The following DOCK3 variants were observed in gnomAD, a reference collection of about 807,000 sequenced individuals.
DOCK3 encodes the protein dedicator of cytokinesis 3.
A neutral mutation model predicts 265.6 loss-of-function variants in DOCK3; 60 were observed. The observed-to-expected ratio is 0.23, with a 90% CI of 0.18 to 0.28. The LOEUF is 0.28. Among genes scored for constraint, DOCK3 ranks in the 10% least tolerant of loss-of-function variants. The probability of loss-of-function intolerance (pLI) is 1.00; values close to 1 mark genes in which losing one functional copy is unlikely to be tolerated. For missense variants in DOCK3, 1,981 were observed against 2,594.3 expected (o/e 0.76, Z 5.14); for synonymous variants, 881 against 938.0 (o/e 0.94, Z 1.11).
chr3:51,190,421 A>G lies in DOCK3; in HGVS notation c.1038-18353A>G, dbSNP rs141596303. On this transcript the variant is annotated intron_variant, in intron 12 of 52. Transcript: ENST00000266037. The stretch of plus-strand genomic sequence containing the variant: ...AACTCTGTGAGATTCCTTGGTTATA[A>G]ATAGCCTTAGTGTGTTGACTTTCTC... 9.0e-3 allele frequency among the ~76,000 whole-genome samples: 1,370 copies of G among 152,270 alleles called. 26 individuals are homozygous for G. Among genetic ancestry groups the G allele is most frequent in the African/African-American group, 0.029 (1,222 of 41,554 alleles).
At chr3:51,053,100 T>TATATATATATAC (rs2081063055) in intron 5 of DOCK3, among the ~76,000 whole-genome samples, 1 of 94,732 alleles carries the variant, frequency 1.1e-5, no homozygotes, top group Non-Finnish European at 2.4e-5. Flanking sequence ...TATATATATA[T>TATATATATATAC]ATATATATAT....
intron 32 of DOCK3, among the ~76,000 whole-genome samples, chr3:51,316,885 A>G (rs1325712784): frequency 6.6e-6 from 1 of 152,162 alleles, no homozygotes; most frequent in African/African-American, 2.4e-5. Flanking sequence ...ATTTACAGAT[A>G]TTTTCTGCAA....
chr3:51,045,415 A>T (rs925775288), intron 5 of DOCK3, among the ~76,000 whole-genome samples: 2 of 152,162 alleles, frequency 1.3e-5, no homozygotes, highest in African/African-American at 4.8e-5. Flanking sequence ...GAGATCACTG[A>T]TCACACACAG....
chr3:51,339,078 G>A (rs1253455242), intron 37 of DOCK3, 50 bp downstream of exon 37: 1 of 1,458,502 alleles, frequency 6.9e-7, no homozygotes, highest in South Asian at 1.4e-5. Context: ...ACAAACTGAA[G>A]GGATTTGTAC....
At chr3:51,349,304 A>G (rs2085810186) in intron 39 of DOCK3, among the ~76,000 whole-genome samples, 1 of 152,294 alleles carries the variant, frequency 6.6e-6, no homozygotes, top group South Asian at 2.1e-4. Flanking sequence ...CACTTTGCTT[A>G]TGGTCACTTT....
At chr3:50,918,975 G>A (rs1234464569) in intron 4 of DOCK3, among the ~76,000 whole-genome samples, 1 of 152,080 alleles carries the variant, frequency 6.6e-6, no homozygotes, top group Admixed American at 6.6e-5. Context: ...AGCTTTCTAT[G>A]TATAGCTAGC....
chr3:50,789,916 T>C (rs1191247194), intron 2 of DOCK3, among the ~76,000 whole-genome samples: 1 of 152,140 alleles, frequency 6.6e-6, no homozygotes, highest in Non-Finnish European at 1.5e-5. Context: ...GTATTTTTAG[T>C]AGAGATGGGG....
Position 51,236,334 on chromosome 3 carries a change from T to A in DOCK3, c.1918-11T>A. ...TGAGACCTGAGCCCTCTGCTTTTTA[T>A]GTTGTTTTAGTTTCTGCAGGACATC... On this transcript the variant is annotated splice_polypyrimidine_tract_variant and intron_variant, in intron 19 of 52. Transcript: ENST00000266037. The A allele has an allele frequency of 6.2e-7, 1 of 1,609,194 alleles. No individual in the cohort carries two copies. Among genetic ancestry groups the A allele is most frequent in the Non-Finnish European group, 8.5e-7 (1 of 1,175,528 alleles).
At chr3:50,828,711 CCTTTT>C (rs1037151751) in intron 2 of DOCK3, among the ~76,000 whole-genome samples, 21 of 149,590 alleles carry the variant, frequency 1.4e-4, no homozygotes, top group African/African-American at 4.7e-4. Flanking sequence ...AACCTTTTAC[CCTTTT>C]CTTTTATTTT....
chr3:50,909,432 T>C (rs1292997850), intron 4 of DOCK3, among the ~76,000 whole-genome samples: 2 of 152,076 alleles, frequency 1.3e-5, no homozygotes, highest in African/African-American at 4.8e-5. Context: ...CCTCAGCATT[T>C]GCTTCTTTGA....
chr3:51,302,522 T>C (rs903114574), intron 27 of DOCK3, among the ~76,000 whole-genome samples: 1 of 152,168 alleles, frequency 6.6e-6, no homozygotes, highest in Admixed American at 6.5e-5. Context: ...CATAGTGTCA[T>C]TGGCCTTTGT....
chr3:50,706,423 T>A (rs1473799915), intron 1 of DOCK3, among the ~76,000 whole-genome samples: 1 of 152,224 alleles, frequency 6.6e-6, no homozygotes, highest in African/African-American at 2.4e-5. Context: ...CATTCTATTC[T>A]CTCCAGGCCT....
intron 3 of DOCK3, among the ~76,000 whole-genome samples, chr3:50,874,066 GT>G (rs3043436): frequency 9.8e-4 from 104 of 106,208 alleles, no homozygotes; most frequent in Middle Eastern, 5.3e-3. Context: ...CTTTTCTTTT[GT>G]TTTTTTTTTT....
chr3:51,087,825 T>A (rs2082485380), intron 7 of DOCK3, among the ~76,000 whole-genome samples: 1 of 152,180 alleles, frequency 6.6e-6, no homozygotes, highest in Non-Finnish European at 1.5e-5. Context: ...GTACAGCCAC[T>A]ATGGAAAACA....
intron 9 of DOCK3, among the ~76,000 whole-genome samples, chr3:51,112,440 C>A (rs2083561211): frequency 6.6e-6 from 1 of 152,128 alleles, no homozygotes; most frequent in South Asian, 2.1e-4. Flanking sequence ...CACAACAGAA[C>A]CTTTTAGATG....
At chr3:50,921,667 T>C (rs922052914) in intron 4 of DOCK3, among the ~76,000 whole-genome samples, 1 of 152,166 alleles carries the variant, frequency 6.6e-6, no homozygotes, top group Non-Finnish European at 1.5e-5. Flanking sequence ...TCTGCTCTGG[T>C]TTCTTCCCAT....
At chr3:51,044,081 T>A (rs939288429) in intron 5 of DOCK3, among the ~76,000 whole-genome samples, 1 of 152,166 alleles carries the variant, frequency 6.6e-6, no homozygotes, top group African/African-American at 2.4e-5. Context: ...ATTGTGTATA[T>A]ACCCAAAGGA....
At chr3:51,125,800 A>G (rs1194441685) in intron 9 of DOCK3, among the ~76,000 whole-genome samples, 1 of 152,214 alleles carries the variant, frequency 6.6e-6, no homozygotes, top group Non-Finnish European at 1.5e-5. Context: ...TAAAAAGAAC[A>G]AAAATGTTCA....
intron 5 of DOCK3, among the ~76,000 whole-genome samples, chr3:51,050,863 A>T (rs2080969294): frequency 6.6e-6 from 1 of 152,252 alleles, no homozygotes; most frequent in Non-Finnish European, 1.5e-5. Context: ...AGCCCAGTCA[A>T]GTTAACATAT....
Sources: allele counts gnomAD v4.1 joint callset (sites outside exome capture counted in the v4.1 genomes callset), GRCh38; gene constraint gnomAD v4.1.1; transcripts MANE v1.5; gene names NCBI Gene and HGNC (gene_info 2026-07-23, HGNC 2026-07-21).